CADM1: variants seen among roughly 807,000 people sequenced by gnomAD.
CADM1 encodes cell adhesion molecule 1, also known as TSLC-1.
CADM1 carries 15 observed loss-of-function variants against 53.1 expected under a neutral mutation model. The ratio of observed to expected loss-of-function variants is 0.28; its 90% CI spans 0.19 to 0.44. CADM1 has a LOEUF of 0.44. Ranked by LOEUF, CADM1 falls within the 20% of genes least tolerant of loss-of-function variation. The pLI is 1.00. For synonymous variants in CADM1, 281 were observed against 243.0 expected (o/e 1.16, Z -1.45); for missense variants, 434 against 611.3 (o/e 0.71, Z 3.06).
chr11:115,175,256 C>T lies in CADM1; in HGVS notation c.*1218G>A, dbSNP rs1938971095. ...TTTGTACCTCCTGCCTTTGTCAAGC[C>T]AAATCTGAAGGAATGAAAGTTTCAC... is the stretch of plus-strand genomic sequence containing the variant. On this transcript the variant is annotated 3_prime_UTR_variant, in exon 12 of 12. Coordinates refer to ENST00000331581, the MANE Select transcript of CADM1 (RefSeq NM_001301043.2). The T allele has an allele frequency of 3.0e-6, 3 of 985,380 alleles. No individual in the cohort carries two copies. Among genetic ancestry groups the T allele is most frequent in the Non-Finnish European group, 3.6e-6 (3 of 829,914 alleles). The allele number at this position is 985,380 out of a possible 1,614,324, so 61.0% of individuals were successfully genotyped here.
chr11:115,194,863 G>T (rs1470188189), intron 9 of CADM1, among the ~76,000 whole-genome samples: 2 of 152,162 alleles, frequency 1.3e-5, no homozygotes, highest in Non-Finnish European at 2.9e-5. Context: ...ACAAGACACA[G>T]AAGCGCCCAC....
chr11:115,473,111 G>A (rs1477931005), intron 1 of CADM1, among the ~76,000 whole-genome samples: 1 of 152,100 alleles, frequency 6.6e-6, no homozygotes, highest in Non-Finnish European at 1.5e-5. Context: ...ATCATCTTAG[G>A]CAAGGTACTT....
intron 3 of CADM1, among the ~76,000 whole-genome samples, chr11:115,237,002 AT>A (rs1942032590): frequency 6.6e-6 from 1 of 152,138 alleles, no homozygotes; most frequent in Non-Finnish European, 1.5e-5. Context: ...CCATAAATAG[AT>A]TTTATTTTAT....
chr11:115,274,914 A>G (rs1460746288), intron 1 of CADM1, among the ~76,000 whole-genome samples: 2 of 152,120 alleles, frequency 1.3e-5, no homozygotes, highest in African/African-American at 4.8e-5. Context: ...GGTCCTCTAC[A>G]AAGTCCCTTC....
intron 1 of CADM1, among the ~76,000 whole-genome samples, chr11:115,400,577 T>TAC (rs1947113635): frequency 7.1e-6 from 1 of 140,972 alleles, no homozygotes; most frequent in African/African-American, 2.7e-5. Flanking sequence ...TATATATATA[T>TAC]AATATATATA....
intron 1 of CADM1, among the ~76,000 whole-genome samples, chr11:115,440,015 T>C (rs1433077146): frequency 5.2e-5 from 8 of 152,386 alleles, no homozygotes; most frequent in Admixed American, 4.6e-4. Flanking sequence ...TTATCCAGGA[T>C]TTGCCAGGGC....
At position 115,198,427 on chromosome 11, in the gene CADM1, T is replaced by C; in HGVS notation, c.1090A>G (p.Thr364Ala). 1 of 1,595,786 alleles carries C rather than the reference T, an allele frequency of 6.3e-7. No individual in the cohort carries two copies. The highest frequency in any genetic ancestry group is 8.5e-7 in the Non-Finnish European group (1 of 1,178,746). Residue 364 changes from threonine to alanine, a missense_variant, in exon 9 of 12, where the codon ACG (threonine) becomes GCG (alanine). Thr to Ala is a moderately conservative substitution (Grantham distance 58, BLOSUM62 0). Coordinates refer to ENST00000331581, the MANE Select transcript of CADM1 (RefSeq NM_001301043.2). Reference protein sequence around the residue: ...ILTIITDTTATTEPAVHGLTQ... With the variant: ...ILTIITDTTAATEPAVHGLTQ... ...CAACCGTGAACTGCTGGTTCTGTCG[T>C]CGCCGTTGTGTCTACAGACGGGAAC...
intron 1 of CADM1, among the ~76,000 whole-genome samples, chr11:115,304,229 C>T (rs1944305716): frequency 6.6e-6 from 1 of 152,040 alleles, no homozygotes; most frequent in Admixed American, 6.6e-5. Flanking sequence ...TTGCCATCAA[C>T]TCTAAATGAA....
At chr11:115,220,813 C>A (rs995498903) in intron 5 of CADM1, among the ~76,000 whole-genome samples, 9 of 152,158 alleles carry the variant, frequency 5.9e-5, no homozygotes, top group Non-Finnish European at 1.3e-4. Context: ...GGAATAGAAA[C>A]CCTGGGATTC....
intron 1 of CADM1, among the ~76,000 whole-genome samples, chr11:115,434,744 G>A (rs529637658): frequency 1.3e-4 from 20 of 152,064 alleles, no homozygotes; most frequent in Non-Finnish European, 2.2e-4. Flanking sequence ...CTGAGAATTC[G>A]TACCGCAGCC....
chr11:115,362,905 T>C (rs1946065594), intron 1 of CADM1, among the ~76,000 whole-genome samples: 1 of 152,130 alleles, frequency 6.6e-6, no homozygotes, highest in African/African-American at 2.4e-5. Context: ...ACCTAGAAAA[T>C]GTGTTCAGTT....
chr11:115,252,406 G>C lies in CADM1; in HGVS notation c.125-11986C>G, dbSNP rs576163162. Among the ~76,000 whole-genome samples, 96 of 152,118 alleles carry C rather than the reference G, an allele frequency of 6.3e-4. 1 individual carries two copies. The highest frequency in any genetic ancestry group is 1.2e-3 in the Non-Finnish European group (84 of 68,000). On this transcript the variant is annotated intron_variant, in intron 1 of 11. Transcript: ENST00000331581. ...TTCTTATGATCTTCCATAATCTGCT[G>C]AATTTTTTTTTATTTCAGAGGTTTA...
intron 4 of CADM1, 124 bp from the exon 5 acceptor site, chr11:115,229,395 T>C (rs1439255945): frequency 2.3e-6 from 2 of 876,688 alleles, no homozygotes; most frequent in Non-Finnish European, 3.8e-6. Flanking sequence ...TGGCAGTTAC[T>C]TGGGATGAGA....
chr11:115,189,802 T>C (rs1939757311), intron 10 of CADM1, among the ~76,000 whole-genome samples: 1 of 152,328 alleles, frequency 6.6e-6, no homozygotes, highest in Middle Eastern at 3.4e-3. Context: ...CATGGCCTCC[T>C]GGAGCTTCCA....
intron 3 of CADM1, 54 bp downstream of exon 3, chr11:115,238,445 TA>T: frequency 6.4e-7 from 1 of 1,565,020 alleles, no homozygotes; most frequent in Non-Finnish European, 8.8e-7. Context: ...CTTGCTGCTG[TA>T]AAAGGGCCAT....
intron 7 of CADM1, among the ~76,000 whole-genome samples, chr11:115,211,427 G>C (rs926442494): frequency 2.0e-5 from 3 of 149,672 alleles, no homozygotes; most frequent in African/African-American, 7.4e-5. Flanking sequence ...TACTGAAAAG[G>C]AACATTTGTT....
At chr11:115,266,592 G>A (rs1943147600) in intron 1 of CADM1, among the ~76,000 whole-genome samples, 1 of 152,208 alleles carries the variant, frequency 6.6e-6, no homozygotes, top group Non-Finnish European at 1.5e-5. Context: ...CCAACAAATA[G>A]CAATCTTTCT....
intron 1 of CADM1, among the ~76,000 whole-genome samples, chr11:115,488,882 T>G (rs1410721360): frequency 6.6e-6 from 1 of 152,248 alleles, no homozygotes; most frequent in East Asian, 1.9e-4. Context: ...TGATCTATTT[T>G]TTGATCCTGT....
At chr11:115,177,013 C>T (rs1206964429) in intron 11 of CADM1, among the ~76,000 whole-genome samples, 3 of 152,132 alleles carry the variant, frequency 2.0e-5, no homozygotes, top group African/African-American at 7.2e-5. Flanking sequence ...TGAATTAGGG[C>T]CCTGATGATG....
Sources: allele counts gnomAD v4.1 joint callset (sites outside exome capture counted in the v4.1 genomes callset), GRCh38; gene constraint gnomAD v4.1.1; transcripts MANE v1.5; gene names NCBI Gene and HGNC (gene_info 2026-07-23, HGNC 2026-07-21).